GADL1: variants seen among roughly 807,000 people sequenced by gnomAD.
GADL1 encodes the protein acidic amino acid decarboxylase GADL1.
GADL1 carries 71 observed loss-of-function variants against 69.5 expected under a neutral mutation model. That is an observed-to-expected ratio of 1.02 (90% CI 0.84 to 1.25). GADL1 has a LOEUF of 1.25. Ranked by LOEUF, GADL1 falls within the 50% of genes most tolerant of loss-of-function variation. The probability of loss-of-function intolerance (pLI) is 0.00; values close to 1 mark genes in which losing one functional copy is unlikely to be tolerated. For synonymous variants in GADL1, 254 were observed against 214.4 expected (o/e 1.18, Z -1.62); for missense variants, 737 against 631.8 (o/e 1.17, Z -1.79).
In GADL1 at chr3:30,844,711, A is replaced by T. The variant is rs564254938; in HGVS notation, c.652-245T>A. The stretch of plus-strand genomic sequence containing the variant: ...CTATGGAATCTTGAACAAATAATAT[A>T]CACTCTCCAAGCCTCAATTTCCTAC... On this transcript the variant is annotated intron_variant, in intron 6 of 14. Transcript: ENST00000282538. Among the ~76,000 whole-genome samples the T allele has an allele frequency of 5.5e-4, 83 of 152,282 alleles. 1 individual carries two copies. Among genetic ancestry groups the T allele is most frequent in the Middle Eastern group, 3.4e-3 (1 of 294 alleles).
chr3:30,747,634 A>G (rs1185695747), intron 14 of GADL1, among the ~76,000 whole-genome samples: 2 of 152,198 alleles, frequency 1.3e-5, no homozygotes, highest in African/African-American at 4.8e-5. Context: ...GTTTGCTTTT[A>G]AAGTTAATTT....
intron 11 of GADL1, among the ~76,000 whole-genome samples, chr3:30,812,273 C>T (rs887765498): frequency 1.3e-5 from 2 of 152,184 alleles, no homozygotes; most frequent in South Asian, 2.1e-4. Flanking sequence ...AAACCAAGAA[C>T]CCTAACCTAT....
intron 6 of GADL1, among the ~76,000 whole-genome samples, chr3:30,847,440 G>A (rs1698077684): frequency 6.6e-6 from 1 of 152,154 alleles, no homozygotes; most frequent in African/African-American, 2.4e-5. Flanking sequence ...GAAAATAAGG[G>A]AGGTATAGCA....
At chr3:30,791,690 G>C (rs577492871) in intron 12 of GADL1, among the ~76,000 whole-genome samples, 21 of 152,214 alleles carry the variant, frequency 1.4e-4, no homozygotes, top group African/African-American at 4.8e-4. Context: ...CACTTTCAGA[G>C]CCTGTAAAGC....
At chr3:30,849,219 T>C (rs780293556) in intron 6 of GADL1, among the ~76,000 whole-genome samples, 7 of 152,054 alleles carry the variant, frequency 4.6e-5, no homozygotes, top group Non-Finnish European at 1.0e-4. Context: ...CCCCTAGACA[T>C]GGAAGGGGGC....
intron 11 of GADL1, among the ~76,000 whole-genome samples, chr3:30,807,569 A>G (rs1393751): frequency 0.35 from 53,806 of 152,086 alleles, 9,680 homozygotes; most frequent in Middle Eastern, 0.43. Flanking sequence ...ATCACATAAA[A>G]TAAGAATGAC....
intron 14 of GADL1, among the ~76,000 whole-genome samples, chr3:30,751,389 G>A (rs1011384986): frequency 6.6e-6 from 1 of 151,938 alleles, no homozygotes; most frequent in African/African-American, 2.4e-5. Context: ...CGCTCAGTCT[G>A]TGCTTTTTCT....
intron 6 of GADL1, among the ~76,000 whole-genome samples, chr3:30,848,918 G>A (rs1257477885): frequency 6.6e-6 from 1 of 152,078 alleles, no homozygotes; most frequent in African/African-American, 2.4e-5. Flanking sequence ...CCTTTGCCTG[G>A]TGACTTTACA....
chr3:30,835,603 A>G (rs960143347), intron 9 of GADL1, among the ~76,000 whole-genome samples: 4 of 152,050 alleles, frequency 2.6e-5, no homozygotes, highest in Non-Finnish European at 5.9e-5. Context: ...GCATAATTCA[A>G]GGAAGAACTC....
At chr3:30,755,668 A>G (rs1419474099) in intron 14 of GADL1, among the ~76,000 whole-genome samples, 2 of 152,190 alleles carry the variant, frequency 1.3e-5, no homozygotes, top group African/African-American at 4.8e-5. Context: ...CTGTTAGACT[A>G]TAAACTCATT....
chr3:30,847,539 G>GT, intron 6 of GADL1, among the ~76,000 whole-genome samples: 1 of 152,176 alleles, frequency 6.6e-6, no homozygotes, highest in Non-Finnish European at 1.5e-5. Flanking sequence ...GTAATAAGTA[G>GT]TAAAGGCAGT....
intron 14 of GADL1, among the ~76,000 whole-genome samples, chr3:30,768,217 T>C (rs1696330785): frequency 6.6e-6 from 1 of 152,152 alleles, no homozygotes; most frequent in South Asian, 2.1e-4. Context: ...CACTTTATCG[T>C]CTGGAAATAA....
chr3:30,830,469 T>C (rs955235628), intron 11 of GADL1, among the ~76,000 whole-genome samples: 2 of 151,998 alleles, frequency 1.3e-5, no homozygotes, highest in South Asian at 4.1e-4. Flanking sequence ...TGACTTTTTC[T>C]TTCTTACATG....
chr3:30,771,955 A>T (rs1559495266), intron 14 of GADL1, among the ~76,000 whole-genome samples: 3 of 152,202 alleles, frequency 2.0e-5, no homozygotes. Flanking sequence ...GGGGCAAGGA[A>T]AGAGATACTG....
chr3:30,788,457 G>GT (rs1365330049), intron 12 of GADL1, among the ~76,000 whole-genome samples: 1 of 152,200 alleles, frequency 6.6e-6, no homozygotes, highest in Non-Finnish European at 1.5e-5. Flanking sequence ...ACTTCAGTGA[G>GT]TTGTAATCTT....
intron 11 of GADL1, among the ~76,000 whole-genome samples, chr3:30,803,593 G>A (rs779786428): frequency 6.6e-6 from 1 of 152,194 alleles, no homozygotes; most frequent in African/African-American, 2.4e-5. Context: ...GAGAACAAGA[G>A]AGCCAAGAAA....
intron 13 of GADL1, 95 bp downstream of exon 13, chr3:30,786,250 AACTCTGCAAC>A: frequency 1.4e-6 from 1 of 736,360 alleles, no homozygotes; most frequent in South Asian, 1.5e-5. Context: ...ACTTGTTTTT[AACTCTGCAAC>A]ACAAAAACCA....
intron 12 of GADL1, 27 bp from the exon 13 acceptor site, chr3:30,786,433 TATA>T (rs1369601949): frequency 8.8e-7 from 1 of 1,141,282 alleles, no homozygotes; most frequent in African/African-American, 1.6e-5. Flanking sequence ...CAATAATATT[TATA>T]ATCTGCAATG....
intron 9 of GADL1, among the ~76,000 whole-genome samples, chr3:30,838,343 T>A (rs1255569500): frequency 6.6e-6 from 1 of 152,122 alleles, no homozygotes; most frequent in East Asian, 1.9e-4. Context: ...TTTTTAAAGT[T>A]ACCTTCGATT....
Sources: allele counts gnomAD v4.1 joint callset (sites outside exome capture counted in the v4.1 genomes callset), GRCh38; gene constraint gnomAD v4.1.1; transcripts MANE v1.5; gene names NCBI Gene and HGNC (gene_info 2026-07-23, HGNC 2026-07-21).